WDFY4: variants seen among roughly 807,000 people sequenced by gnomAD.
WDFY4 encodes the protein WD repeat- and FYVE domain-containing protein 4.
In WDFY4, 169 loss-of-function variants were observed where a neutral mutation model predicts 351.9. The observed-to-expected ratio is 0.48, with a 90% confidence interval of 0.42 to 0.55. The LOEUF (loss-of-function observed/expected upper bound fraction) is 0.55. WDFY4 is among the 20% of genes least tolerant of loss of function. WDFY4 has a pLI of 0.00. For synonymous variants in WDFY4, 1,622 were observed against 1,574.6 expected (o/e 1.03, Z -0.71); for missense variants, 3,803 against 3,935.6 (o/e 0.97, Z 0.90).
chr10:48,978,486 C>T, intron 60 of WDFY4, 93 bp downstream of exon 60: 1 of 1,203,258 alleles, frequency 8.3e-7, no homozygotes, highest in Non-Finnish European at 1.1e-6. Context: ...TGCAGCTCCT[C>T]CCAGGTCTGC....
rs146854292 is a variant in WDFY4 at position 48,913,602 on chromosome 10, G to A, written c.7586+11739G>A. On this transcript the variant is annotated intron_variant, in intron 47 of 61. Coordinates refer to ENST00000325239, the MANE Select transcript of WDFY4 (RefSeq NM_001394531.1). ...CCTGATGGAGTCTATGAATATTTCCGACTCACCTGGCTTTGGAAAGGGGTT... is the reference window on the plus strand; with the variant it reads ...CCTGATGGAGTCTATGAATATTTCCAACTCACCTGGCTTTGGAAAGGGGTT... The A allele has an allele frequency of 2.0e-4, 329 of 1,613,858 alleles. No individual in the cohort carries two copies. The highest frequency in any genetic ancestry group is 3.0e-4 in the Admixed American group (18 of 59,986).
At chr10:48,916,818 C>T in intron 47 of WDFY4, among the ~76,000 whole-genome samples, 1 of 65,790 alleles carries the variant, frequency 1.5e-5, no homozygotes, top group South Asian at 1.3e-3. Flanking sequence ...ATGGAATAAC[C>T]TACTACAGAC....
intron 3 of WDFY4, 118 bp downstream of exon 3, chr10:48,720,243 A>G: frequency 9.6e-7 from 1 of 1,038,326 alleles, no homozygotes; most frequent in South Asian, 1.6e-5. Context: ...TGCCTGCCAA[A>G]GAGAAGTAGG....
Position 48,774,501 on chromosome 10 carries a change from C to A in WDFY4, c.2597C>A (p.Ser866Tyr). 8 of 1,551,746 alleles carry A rather than the reference C, an allele frequency of 5.2e-6. No individual in the cohort carries two copies. Among genetic ancestry groups the A allele is most frequent in the Non-Finnish European group, 6.1e-6 (7 of 1,147,004 alleles). ...IQCSLASHIQ[S>Y]LVKSEKNRQV... ...TGCTCCCTGGCCAGTCATATCCAGT[C>A]CCTGGTGAAGTCGGAGAAGAACCGC... The change falls in exon 14 of 62, where the codon TCC becomes TAC. Residue 866 changes from serine (S) to tyrosine (Y), a missense_variant. Ser to Tyr is a moderately radical substitution (Grantham distance 144). Coordinates refer to ENST00000325239, the MANE Select transcript of WDFY4 (RefSeq NM_001394531.1).
chr10:48,714,367 G>C (rs116027078), intron 2 of WDFY4, among the ~76,000 whole-genome samples: 1,534 of 152,348 alleles, frequency 0.01, 27 homozygotes, highest in African/African-American at 0.034. Flanking sequence ...AGGATGTTTA[G>C]ATTGCTGACT....
At chr10:48,695,899 G>A (rs192298589) in intron 1 of WDFY4, among the ~76,000 whole-genome samples, 80 of 152,272 alleles carry the variant, frequency 5.3e-4, no homozygotes, top group African/African-American at 1.8e-3. Flanking sequence ...GACACTGTGA[G>A]TTCCTGTATT....
intron 51 of WDFY4, among the ~76,000 whole-genome samples, chr10:48,952,553 C>T (rs2663068): frequency 0.24 from 36,007 of 152,134 alleles, 5,488 homozygotes; most frequent in East Asian, 0.64. Flanking sequence ...TATTGAACAA[C>T]GGAGCCTCAG....
At chr10:48,751,113 G>C (rs940710296) in intron 12 of WDFY4, among the ~76,000 whole-genome samples, 3 of 152,230 alleles carry the variant, frequency 2.0e-5, no homozygotes, top group Non-Finnish European at 4.4e-5. Context: ...GTAGAGACAT[G>C]AATGGAGCAT....
intron 47 of WDFY4, among the ~76,000 whole-genome samples, chr10:48,904,663 G>A (rs988055332): frequency 7.2e-5 from 11 of 152,180 alleles, no homozygotes; most frequent in African/African-American, 2.7e-4. Context: ...CAATCATGCA[G>A]GAATCCCACC....
In WDFY4 at chr10:48,974,767, C is replaced by T. The variant is rs577740275; in HGVS notation, c.8929-95C>T. 8.4e-6 allele frequency: 11 copies of T among 1,305,704 alleles called. 1 individual carries two copies. The South Asian group carries it at 1.5e-4, about 18-fold the overall frequency. The allele number at this position is 1,305,704 out of a possible 1,614,324, so 80.9% of individuals were successfully genotyped here. ...CTGACTCACTCAGAATCTCCATTTC[C>T]TCATCCAGCACCCAGCTTTATAGGG... On this transcript the variant is annotated intron_variant, in intron 57 of 61. Transcript: ENST00000325239.
Position 48,822,545 on chromosome 10 carries a change from C to A in WDFY4, c.5982+8C>A. 1 of 1,525,656 alleles carries A rather than the reference C, an allele frequency of 6.6e-7. No individual in the cohort carries two copies. Among genetic ancestry groups the A allele is most frequent in the Non-Finnish European group, 8.8e-7 (1 of 1,130,682 alleles). The allele number at this position is 1,525,656 out of a possible 1,614,324, so 94.5% of individuals were successfully genotyped here. ...CTGGAGCACATCATGGTGGTAAGAG[C>A]TGCTCACTGACCGGGTATCTGTGTG... On this transcript the variant is annotated splice_region_variant and intron_variant, in intron 35 of 61. Transcript: ENST00000325239.
intron 45 of WDFY4, among the ~76,000 whole-genome samples, chr10:48,898,409 G>A (rs1014296171): frequency 2.0e-5 from 3 of 152,138 alleles, no homozygotes; most frequent in Admixed American, 6.5e-5. Context: ...TAGGGACCAC[G>A]TAACAGGAGG....
At chr10:48,780,193 T>A in intron 19 of WDFY4, 74 bp downstream of exon 19, 6 of 1,493,104 alleles carry the variant, frequency 4.0e-6, no homozygotes, top group Non-Finnish European at 5.4e-6. Flanking sequence ...GGCCTCGGTT[T>A]CATTCTATGT....
In WDFY4 at chr10:48,801,735, G is replaced by A. The variant is rs990080492; in HGVS notation, c.4411-1551G>A. On this transcript the variant is annotated intron_variant, in intron 24 of 61. Transcript: ENST00000325239. ...TTTAAAAAATGTAATGCATCTTTAC[G>A]AAAGATAGTGGCATGTATGATGCTA... 7.2e-5 allele frequency among the ~76,000 whole-genome samples: 11 copies of A among 152,058 alleles called. No homozygotes were observed. The East Asian group carries it at 7.7e-4, about 11-fold the overall frequency.
intron 1 of WDFY4, among the ~76,000 whole-genome samples, chr10:48,701,566 G>A (rs550012483): frequency 6.6e-6 from 1 of 152,348 alleles, no homozygotes; most frequent in African/African-American, 2.4e-5. Flanking sequence ...CCAACGTGGA[G>A]GCTGAGGCCA....
chr10:48,875,933 C>G (rs920481549), intron 42 of WDFY4, among the ~76,000 whole-genome samples: 1 of 152,204 alleles, frequency 6.6e-6, no homozygotes, highest in African/African-American at 2.4e-5. Flanking sequence ...CCCTACAACT[C>G]TCACATGGAA....
chr10:48,720,624 G>A (rs960305365), intron 3 of WDFY4, among the ~76,000 whole-genome samples: 8 of 151,486 alleles, frequency 5.3e-5, no homozygotes, highest in Non-Finnish European at 8.8e-5. Flanking sequence ...ATACACATAG[G>A]CACACACACA....
chr10:48,970,254 A>G lies in WDFY4; in HGVS notation c.8893A>G (p.Thr2965Ala), dbSNP rs773403734. 3.9e-6 allele frequency: 6 copies of G among 1,551,518 alleles called. No individual in the cohort carries two copies. The South Asian group carries it at 7.1e-5, about 18-fold the overall frequency. The change falls in exon 57 of 62, where the codon ACC (threonine) becomes GCC (alanine). Residue 2965 changes from threonine (T) to alanine (A), a missense_variant. Coordinates refer to ENST00000325239, the MANE Select transcript of WDFY4 (RefSeq NM_001394531.1). Reference protein sequence around the residue: ...TVVCVWELSMTKGRPRGLRLR... With the variant: ...TVVCVWELSMAKGRPRGLRLR... ...GGTGTGTGTGTGGGAGCTCAGCATG[A>G]CCAAAGGCCGCCCGAGGGGCTTGCG... is the stretch of plus-strand genomic sequence containing the variant.
intron 29 of WDFY4, 60 bp from the exon 30 acceptor site, chr10:48,811,479 C>T: frequency 6.7e-7 from 1 of 1,491,626 alleles, no homozygotes; most frequent in Admixed American, 2.0e-5. Flanking sequence ...GTGTCCAGGC[C>T]CCACCTTGAC....
Sources: allele counts gnomAD v4.1 joint callset (sites outside exome capture counted in the v4.1 genomes callset), GRCh38; gene constraint gnomAD v4.1.1; transcripts MANE v1.5; gene names NCBI Gene and HGNC (gene_info 2026-07-23, HGNC 2026-07-21).